ATP8B4: variants seen among roughly 807,000 people sequenced by gnomAD.
ATP8B4 encodes probable phospholipid-transporting ATPase IM.
ATP8B4 carries 133 observed loss-of-function variants against 145.6 expected under a neutral mutation model. The observed-to-expected ratio is 0.91, with a 90% CI of 0.79 to 1.05. ATP8B4 has a LOEUF of 1.05. ATP8B4 is among the 50% of genes least tolerant of loss of function. The pLI is 0.00. For synonymous variants in ATP8B4, 507 were observed against 492.9 expected (o/e 1.03, Z -0.38); for missense variants, 1,458 against 1,425.2 (o/e 1.02, Z -0.37).
intron 17 of ATP8B4, chr15:49,922,136 G>C (rs1450607847): frequency 6.0e-6 from 1 of 166,656 alleles, no homozygotes. Context: ...TTCGAAATCA[G>C]TAATTAAATA....
chr15:49,941,580 A>G (rs955586606), intron 14 of ATP8B4, among the ~76,000 whole-genome samples: 6 of 152,234 alleles, frequency 3.9e-5, no homozygotes, highest in African/African-American at 1.4e-4. Context: ...GAAGGCTTGT[A>G]CACTGCTGGT....
chr15:50,003,273 C>CGTGT (rs1491248763), intron 7 of ATP8B4, among the ~76,000 whole-genome samples: 18 of 85,946 alleles, frequency 2.1e-4, no homozygotes, highest in South Asian at 9.3e-4. Context: ...ATAGGGTGTG[C>CGTGT]ATGTGTGTGT....
At chr15:50,075,609 C>A (rs2054121512) in intron 2 of ATP8B4, among the ~76,000 whole-genome samples, 1 of 152,162 alleles carries the variant, frequency 6.6e-6, no homozygotes, top group African/African-American at 2.4e-5. Context: ...CTGATAAGAA[C>A]AATATTGGAC....
intron 3 of ATP8B4, among the ~76,000 whole-genome samples, chr15:50,048,480 G>A (rs1170129980): frequency 2.0e-5 from 3 of 151,976 alleles, no homozygotes; most frequent in Admixed American, 2.0e-4. Flanking sequence ...GGCAGAGGTA[G>A]GTGGATCACT....
chr15:50,102,224 G>A (rs2056407038), intron 2 of ATP8B4, among the ~76,000 whole-genome samples: 1 of 151,172 alleles, frequency 6.6e-6, no homozygotes, highest in Non-Finnish European at 1.5e-5. Context: ...CCCAGCAGAA[G>A]AAAAGAAATA....
intron 14 of ATP8B4, among the ~76,000 whole-genome samples, chr15:49,940,242 G>A (rs2042058998): frequency 6.6e-6 from 1 of 152,148 alleles, no homozygotes; most frequent in African/African-American, 2.4e-5. Flanking sequence ...CATGCCCTTT[G>A]TAGCCACATG....
intron 1 of ATP8B4, among the ~76,000 whole-genome samples, chr15:50,148,916 G>A (rs931352907): frequency 5.3e-5 from 8 of 152,154 alleles, no homozygotes; most frequent in South Asian, 4.1e-4. Flanking sequence ...GGAATAAAAT[G>A]TTATATTGTC....
chr15:50,031,540 C>A (rs1455536729), intron 6 of ATP8B4, among the ~76,000 whole-genome samples: 1 of 148,652 alleles, frequency 6.7e-6, no homozygotes, highest in African/African-American at 2.5e-5. Flanking sequence ...GTGTAAGCTG[C>A]AAATACACTG....
intron 1 of ATP8B4, among the ~76,000 whole-genome samples, chr15:50,137,372 G>C (rs182062603): frequency 6.6e-6 from 1 of 152,326 alleles, no homozygotes; most frequent in Admixed American, 6.5e-5. Flanking sequence ...TCTTCAGAGG[G>C]TTAGCAGGTT....
intron 1 of ATP8B4, among the ~76,000 whole-genome samples, chr15:50,128,877 G>A: frequency 6.6e-6 from 1 of 152,142 alleles, no homozygotes; most frequent in Non-Finnish European, 1.5e-5. Flanking sequence ...AGACCAGACT[G>A]ACCAACATGG....
Position 50,068,255 on chromosome 15 carries a change from A to G in ATP8B4, c.87+5872T>C, listed in dbSNP as rs78639948. Reference sequence around the variant, plus strand: ...GGGAAATAAAAGGAGTTCATGTTGCAGGGAGCCTTAGTGGTGTGATTGTAG... The same window carrying G: ...GGGAAATAAAAGGAGTTCATGTTGCGGGGAGCCTTAGTGGTGTGATTGTAG... On this transcript the variant is annotated intron_variant, in intron 3 of 27. Transcript: ENST00000284509. Among the ~76,000 whole-genome samples the G allele has an allele frequency of 6.6e-4, 100 of 152,298 alleles. No individual in the cohort carries two copies. In the East Asian group the frequency reaches 0.018, roughly 28 times the overall value.
chr15:50,079,714 G>A (rs182590338), intron 2 of ATP8B4, among the ~76,000 whole-genome samples: 1 of 152,298 alleles, frequency 6.6e-6, no homozygotes, highest in Admixed American at 6.5e-5. Context: ...CTCATTCTCT[G>A]TTGATCTGAT....
At chr15:50,015,970 A>G (rs1190330181) in intron 6 of ATP8B4, among the ~76,000 whole-genome samples, 1 of 152,192 alleles carries the variant, frequency 6.6e-6, no homozygotes, top group East Asian at 1.9e-4. Context: ...AGAGATGATG[A>G]AAGATGTAGT....
chr15:50,033,170 T>C (rs1441069278), intron 6 of ATP8B4, among the ~76,000 whole-genome samples: 1 of 152,144 alleles, frequency 6.6e-6, no homozygotes, highest in Non-Finnish European at 1.5e-5. Context: ...ATAATACAGT[T>C]TCCAAAAATG....
chr15:49,920,503 C>A, intron 17 of ATP8B4, 93 bp from the exon 18 acceptor site: 1 of 1,378,566 alleles, frequency 7.3e-7, no homozygotes, highest in South Asian at 1.5e-5. Context: ...ATTTTTCACT[C>A]AAATTCATTT....
intron 23 of ATP8B4, among the ~76,000 whole-genome samples, chr15:49,892,820 A>G (rs2036977012): frequency 1.3e-5 from 2 of 152,224 alleles, no homozygotes; most frequent in African/African-American, 4.8e-5. Flanking sequence ...ATTCCCATAA[A>G]GCTAGGGCAA....
At chr15:49,896,905 A>G (rs1398497418) in intron 23 of ATP8B4, 1 of 186,174 alleles carries the variant, frequency 5.4e-6, no homozygotes, top group Admixed American at 5.5e-5. Flanking sequence ...AGTGTGTTGG[A>G]TAAGAAACCA....
chr15:50,055,897 T>C (rs1001208247), intron 3 of ATP8B4, among the ~76,000 whole-genome samples: 6 of 152,146 alleles, frequency 3.9e-5, no homozygotes, highest in African/African-American at 1.4e-4. Context: ...AGATTAGACA[T>C]CTGGTACCTC....
rs1335616711 is a variant in ATP8B4 at position 49,859,137 on chromosome 15, A to C, written c.*1057T>G. On this transcript the variant is annotated 3_prime_UTR_variant, in exon 28 of 28. Coordinates refer to ENST00000284509, the MANE Select transcript of ATP8B4 (RefSeq NM_024837.4). ...ATTTGAGCTGCAACATCTCCAAAAAAACAACCTTACCTACATATGTTTACT... is the reference window on the plus strand; with the variant it reads ...ATTTGAGCTGCAACATCTCCAAAAACACAACCTTACCTACATATGTTTACT... 1.3e-5 allele frequency: 2 copies of C among 152,234 alleles called. No homozygotes were observed. Among genetic ancestry groups the C allele is most frequent in the African/African-American group, 4.8e-5 (2 of 41,468 alleles). 9.4% of individuals were successfully genotyped at this position (152,234 alleles called of 1,614,324 possible).
Sources: allele counts gnomAD v4.1 joint callset (sites outside exome capture counted in the v4.1 genomes callset), GRCh38; gene constraint gnomAD v4.1.1; transcripts MANE v1.5; gene names NCBI Gene and HGNC (gene_info 2026-07-23, HGNC 2026-07-21).